TRIM66: variants seen among roughly 807,000 people sequenced by gnomAD.
TRIM66 encodes the protein tripartite motif containing 66, also known as tripartite motif-containing protein 66.
In TRIM66, 99 loss-of-function variants were observed where a neutral mutation model predicts 148.2. That is an observed-to-expected ratio of 0.67 (90% confidence interval 0.57 to 0.79). TRIM66 has a LOEUF of 0.79. TRIM66 is among the 30% of genes least tolerant of loss of function. The pLI, the probability that TRIM66 is intolerant of heterozygous loss-of-function variation, is 0.00. For synonymous variants in TRIM66, 616 were observed against 635.9 expected (o/e 0.97, Z 0.47); for missense variants, 1,666 against 1,697.9 (o/e 0.98, Z 0.33).
At chr11:8,646,867 T>C (rs1242707286) in intron 10 of TRIM66, among the ~76,000 whole-genome samples, 1 of 151,762 alleles carries the variant, frequency 6.6e-6, no homozygotes, top group Non-Finnish European at 1.5e-5. Context: ...AATAATTTAC[T>C]GTAATTTGTT....
chr11:8,672,963 G>T, intron 4 of TRIM66, among the ~76,000 whole-genome samples: 2 of 128,022 alleles, frequency 1.6e-5, no homozygotes, highest in East Asian at 2.3e-4. Flanking sequence ...TTTTTAAGAT[G>T]GAGTCTTGCT....
chr11:8,617,785 A>T lies in TRIM66; in HGVS notation c.*159T>A. The stretch of plus-strand genomic sequence containing the variant: ...CTGTAGTGGATGTACTACGGCTCCC[A>T]AATAAATGCTGTAGATGCAAATGGC... On this transcript the variant is annotated 3_prime_UTR_variant, in exon 25 of 25. Transcript: ENST00000646038. 1.5e-6 allele frequency: 1 copy of T among 676,662 alleles called. No individual in the cohort carries two copies. The highest frequency in any genetic ancestry group is 2.6e-6 in the Non-Finnish European group (1 of 389,708). The allele number at this position is 676,662 out of a possible 1,614,324, so 41.9% of individuals were successfully genotyped here.
intron 9 of TRIM66, 21 bp from the exon 10 acceptor site, chr11:8,648,107 A>C: frequency 6.5e-7 from 1 of 1,542,662 alleles, no homozygotes; most frequent in Non-Finnish European, 8.8e-7. Flanking sequence ...AGGCAGAGAA[A>C]AAGCTGAGAA....
chr11:8,667,735 G>A (rs989917240), intron 6 of TRIM66, among the ~76,000 whole-genome samples: 9 of 152,204 alleles, frequency 5.9e-5, no homozygotes, highest in Non-Finnish European at 1.0e-4. Flanking sequence ...TGTAGCATGT[G>A]TCAGAACTTC....
In TRIM66 at chr11:8,648,483, GC is replaced by G. The variant is rs1488813511; in HGVS notation, c.657del (p.Lys219AsnfsTer16). ...YCPLHTQEVL[K>X]LFCETCDMLT... ...AGCATATCACATGTCTCACAGAATA[GC>G]TTGAGTACTTCCTGTGTGTGTAGAG... On this transcript the variant is annotated frameshift_variant, in exon 9 of 25. Coordinates refer to ENST00000646038, the MANE Select transcript of TRIM66 (RefSeq NM_001388022.1). LOFTEE classifies it high-confidence loss of function. 3 of 1,551,646 alleles carry G rather than the reference GC, an allele frequency of 1.9e-6. No individual in the cohort carries two copies. The highest frequency in any genetic ancestry group is 2.6e-6 in the Non-Finnish European group (3 of 1,147,020).
chr11:8,680,512 A>C (rs922925531), intron 1 of TRIM66, among the ~76,000 whole-genome samples: 14 of 152,290 alleles, frequency 9.2e-5, no homozygotes, highest in African/African-American at 3.4e-4. Context: ...AAACAAAAGG[A>C]TAGGGTGACA....
At chr11:8,662,986 A>T (rs764020550) in intron 6 of TRIM66, 2 of 152,196 alleles carry the variant, frequency 1.3e-5, no homozygotes, top group African/African-American at 4.8e-5. Flanking sequence ...TTGACCTGGG[A>T]CCATTCTTAA....
At chr11:8,660,069 A>G (rs932984791) in intron 6 of TRIM66, among the ~76,000 whole-genome samples, 3 of 152,138 alleles carry the variant, frequency 2.0e-5, no homozygotes, top group African/African-American at 4.8e-5. Context: ...TTGTAGAGAC[A>G]GGGCCTTACT....
At chr11:8,649,910 T>C in intron 7 of TRIM66, 23 bp from the exon 8 acceptor site, 4 of 1,543,220 alleles carry the variant, frequency 2.6e-6, no homozygotes, top group Non-Finnish European at 3.5e-6. Flanking sequence ...AGTTCTGGAG[T>C]TACTGATGTT....
At chr11:8,631,353 G>A (rs2035379305) in intron 15 of TRIM66, among the ~76,000 whole-genome samples, 1 of 152,186 alleles carries the variant, frequency 6.6e-6, no homozygotes, top group Admixed American at 6.5e-5. Context: ...ATAGGGTGGT[G>A]TTCCACATAA....
intron 15 of TRIM66, 76 bp from the exon 16 acceptor site, chr11:8,625,304 A>G (rs1240449151): frequency 7.0e-7 from 1 of 1,428,126 alleles, no homozygotes; most frequent in African/African-American, 1.4e-5. Context: ...GACCCAACCC[A>G]CAGGAACTCC....
intron 13 of TRIM66, among the ~76,000 whole-genome samples, chr11:8,642,290 G>A (rs141417246): frequency 2.0e-5 from 3 of 152,218 alleles, no homozygotes; most frequent in African/African-American, 7.2e-5. Flanking sequence ...AAGGTCTGCT[G>A]AGTTAAATCA....
At chr11:8,659,936 G>A (rs1401793872) in intron 6 of TRIM66, among the ~76,000 whole-genome samples, 13 of 152,058 alleles carry the variant, frequency 8.5e-5, no homozygotes, top group African/African-American at 2.7e-4. Flanking sequence ...GGAGTGTGGT[G>A]GCATGATCAT....
intron 18 of TRIM66, among the ~76,000 whole-genome samples, chr11:8,622,365 C>CACACACACACACACATACATATAT: frequency 1.0e-4 from 6 of 59,576 alleles, no homozygotes; most frequent in Non-Finnish European, 2.3e-4. Flanking sequence ...CACACACACA[C>CACACACACACACACATACATATAT]ATATATATAT....
intron 18 of TRIM66, 111 bp from the exon 19 acceptor site, chr11:8,621,930 A>G (rs954005159): frequency 1.5e-5 from 16 of 1,099,724 alleles, no homozygotes; most frequent in Non-Finnish European, 1.9e-5. Flanking sequence ...TGTCAACTTG[A>G]TTGGATTGAA....
intron 9 of TRIM66, 74 bp downstream of exon 9, chr11:8,648,342 G>C: frequency 6.6e-7 from 1 of 1,518,066 alleles, no homozygotes; most frequent in South Asian, 1.3e-5. Context: ...TGATGCACGG[G>C]GATTCCCAGA....
intron 7 of TRIM66, among the ~76,000 whole-genome samples, chr11:8,650,217 A>T (rs1251397019): frequency 6.6e-6 from 1 of 152,086 alleles, no homozygotes; most frequent in Non-Finnish European, 1.5e-5. Context: ...TACAAAAAAT[A>T]CAAAAATTAG....
Position 8,672,090 on chromosome 11 carries a change from C to T in TRIM66, c.36G>A (p.Glu12=), listed in dbSNP as rs1461775143. ...AGAAGCAGCGTGTAGAGCGAGCCAG[C>T]TCCACTCCCTGTAAGTGAAGCACAA... The part of the protein sequence containing the change: ...ARLSFWSQGV[E]LARSTRCFSP... The change falls in exon 6 of 25, where the codon GAG becomes GAA. Residue 12 remains glutamate (E), a synonymous_variant. Transcript: ENST00000646038. 6.5e-7 allele frequency: 1 copy of T among 1,529,272 alleles called. No homozygotes were observed. The highest frequency in any genetic ancestry group is 8.7e-7 in the Non-Finnish European group (1 of 1,143,564). The allele number at this position is 1,529,272 out of a possible 1,614,324, so 94.7% of individuals were successfully genotyped here. A position where few individuals can be genotyped will look rare whatever the true frequency, so the allele number is the denominator to read the frequency against.
upstream of TRIM66, chr11:8,682,974 G>A: frequency 3.8e-6 from 4 of 1,043,452 alleles, no homozygotes; most frequent in Non-Finnish European, 5.6e-6. Context: ...CCGGGGCGGG[G>A]CTCCCGGAGC....
Sources: allele counts gnomAD v4.1 joint callset (sites outside exome capture counted in the v4.1 genomes callset), GRCh38; gene constraint gnomAD v4.1.1; transcripts MANE v1.5; gene names NCBI Gene and HGNC (gene_info 2026-07-23, HGNC 2026-07-21).